VLDLR: variants seen among roughly 807,000 people sequenced by gnomAD.
VLDLR encodes very low-density lipoprotein receptor.
In VLDLR, 81 loss-of-function variants were observed where a neutral mutation model predicts 112.7. The ratio of observed to expected loss-of-function variants is 0.72; its 90% CI spans 0.60 to 0.86. VLDLR has a LOEUF of 0.86. Among genes scored for constraint, VLDLR ranks in the 40% least tolerant of loss-of-function variants. The pLI, the probability that VLDLR is intolerant of heterozygous loss-of-function variation, is 0.00. For synonymous variants in VLDLR, 436 were observed against 384.8 expected (o/e 1.13, Z -1.56); for missense variants, 1,237 against 1,099.4 (o/e 1.13, Z -1.77).
chr9:2,657,359 A>G lies in VLDLR; in HGVS notation c.*3491A>G, dbSNP rs1209866188. Reference sequence around the variant, plus strand: ...TTTTGCTAATTTAAGTTGAAGTACTATGAATACAACCTGCTAATCTTGATC... The same window carrying G: ...TTTTGCTAATTTAAGTTGAAGTACTGTGAATACAACCTGCTAATCTTGATC... On this transcript the variant is annotated 3_prime_UTR_variant, in exon 19 of 19. Transcript: ENST00000382100. 1 of 152,228 alleles carries G rather than the reference A, an allele frequency of 6.6e-6. No homozygotes were observed. Among genetic ancestry groups the G allele is most frequent in the African/African-American group, 2.4e-5 (1 of 41,464 alleles). 9.4% of individuals were successfully genotyped at this position (152,228 alleles called of 1,614,324 possible). A position where few individuals can be genotyped will look rare whatever the true frequency, so the allele number is the denominator to read the frequency against.
In VLDLR at chr9:2,648,274, A is replaced by G; in HGVS notation, c.1889A>G (p.Asn630Ser). ...CACATGTTATCCAGCGTGGACTTGA[A>G]TGGCCAAGATCGTAGGATAGTACTA... ...KLHMLSSVDL[N>S]GQDRRIVLKS... The change falls in exon 13 of 19, where the codon AAT becomes AGT. Residue 630 changes from asparagine (N) to serine (S), a missense_variant. Transcript: ENST00000382100. 6.2e-7 allele frequency: 1 copy of G among 1,614,228 alleles called. No individual in the cohort carries two copies.
At position 2,645,035 on chromosome 9, in the gene VLDLR, G is replaced by C; in HGVS notation, c.1265G>C (p.Ser422Thr). 6.2e-7 allele frequency: 1 copy of C among 1,614,220 alleles called. No individual in the cohort carries two copies. Among genetic ancestry groups the C allele is most frequent in the Non-Finnish European group, 8.5e-7 (1 of 1,180,042 alleles). The change falls in exon 9 of 19, where the codon AGT becomes ACT. Residue 422 changes from serine to threonine, a missense_variant. Physicochemically the swap from Ser to Thr is moderately conservative, Grantham distance 58. Transcript: ENST00000382100. ...NLKGGYKCEC[S>T]RGYQMDLATG... ...AAAGGCGGTTACAAGTGTGAATGTA[G>C]TCGTGGCTATCAAATGGATCTTGCT...
rs1259690354 is a variant in VLDLR at position 2,645,669 on chromosome 9, A to C, written c.1408A>C (p.Asn470His). 1 of 1,614,220 alleles carries C rather than the reference A, an allele frequency of 6.2e-7. No homozygotes were observed. The highest frequency in any genetic ancestry group is 1.6e-4 in the Middle Eastern group (1 of 6,062). The change falls in exon 10 of 19, where the codon AAC (asparagine) becomes CAC (histidine). Residue 470 changes from asparagine (N) to histidine (H), a missense_variant. Physicochemically the swap from Asn to His is moderately conservative, Grantham distance 68. Coordinates refer to ENST00000382100, the MANE Select transcript of VLDLR (RefSeq NM_003383.5). The part of the protein sequence containing the change: ...EYIQLVEQLR[N>H]TVALDADIAA... The stretch of plus-strand genomic sequence containing the variant: ...TATCCAACTAGTTGAACAGCTAAGA[A>C]ACACTGTGGCTCTCGATGCTGACAT...
intron 4 of VLDLR, among the ~76,000 whole-genome samples, chr9:2,642,092 C>T (rs1436233938): frequency 6.6e-6 from 1 of 152,120 alleles, no homozygotes; most frequent in Non-Finnish European, 1.5e-5. Context: ...AAAGCTAACT[C>T]TGCTTCCTAT....
intron 11 of VLDLR, 138 bp downstream of exon 11, chr9:2,646,690 A>C (rs1818091477): frequency 1.1e-6 from 1 of 939,844 alleles, no homozygotes; most frequent in Non-Finnish European, 1.7e-6. Flanking sequence ...AATTTAAGAT[A>C]TCAGTTTTGC....
chr9:2,622,202 G>A lies in VLDLR; in HGVS notation c.13G>A (p.Ala5Thr). The A allele has an allele frequency of 6.7e-7, 1 of 1,498,464 alleles. No individual in the cohort carries two copies. Among genetic ancestry groups the A allele is most frequent in the Non-Finnish European group, 8.8e-7 (1 of 1,130,600 alleles). The allele number at this position is 1,498,464 out of a possible 1,614,324, so 92.8% of individuals were successfully genotyped here. Reference protein sequence around the residue: MGTSALWALWLLLAL... With the variant: MGTSTLWALWLLLAL... Reference sequence around the variant, plus strand: ...CCAGGCGGGCACCATGGGCACGTCCGCGCTCTGGGCGCTCTGGCTGCTGCT... The same window carrying A: ...CCAGGCGGGCACCATGGGCACGTCCACGCTCTGGGCGCTCTGGCTGCTGCT... Residue 5 changes from alanine (A) to threonine (T), a missense_variant, in exon 1 of 19, where the codon GCG becomes ACG. Coordinates refer to ENST00000382100, the MANE Select transcript of VLDLR (RefSeq NM_003383.5).
Position 2,645,740 on chromosome 9 carries a change from C to G in VLDLR, c.1479C>G (p.Ile493Met). The G allele has an allele frequency of 1.2e-6, 2 of 1,614,174 alleles. No homozygotes were observed. The highest frequency in any genetic ancestry group is 1.7e-6 in the Non-Finnish European group (2 of 1,180,028). The change falls in exon 10 of 19, where the codon ATC becomes ATG. Residue 493 changes from isoleucine (I) to methionine (M), a missense_variant. Physicochemically the swap from Ile to Met is conservative, Grantham distance 10. Transcript: ENST00000382100. ...LFWADLSQKA[I>M]FSASIDDKVG... ...GGGCCGATCTAAGCCAAAAGGCTAT[C>G]TTCAGGTAACTTTCAGTTCCTTTTG...
chr9:2,648,580 C>T, intron 13 of VLDLR, 89 bp from the exon 14 acceptor site: 1 of 1,595,022 alleles, frequency 6.3e-7, no homozygotes, highest in Non-Finnish European at 8.6e-7. Context: ...TAAACTTAGT[C>T]CATTAAATGA....
At chr9:2,644,074 C>A in intron 7 of VLDLR, 115 bp downstream of exon 7, 5 of 1,395,094 alleles carry the variant, frequency 3.6e-6, no homozygotes, top group East Asian at 2.7e-5. Context: ...TACTGAAGTT[C>A]AATTGTAGAC....
intron 15 of VLDLR, 50 bp downstream of exon 15, chr9:2,650,566 T>C (rs1156629789): frequency 1.9e-6 from 3 of 1,607,596 alleles, no homozygotes; most frequent in South Asian, 1.1e-5. Flanking sequence ...ACAAGCAATA[T>C]AATAAGACAC....
intron 9 of VLDLR, 70 bp downstream of exon 9, chr9:2,645,152 GACT>G: frequency 6.2e-7 from 1 of 1,606,454 alleles, no homozygotes; most frequent in East Asian, 2.2e-5. Flanking sequence ...TACAGCCAGT[GACT>G]ACAATAGTCA....
intron 1 of VLDLR, among the ~76,000 whole-genome samples, chr9:2,626,099 T>C (rs1420647267): frequency 6.6e-6 from 1 of 152,192 alleles, no homozygotes; most frequent in Non-Finnish European, 1.5e-5. Context: ...AGATGGCAGG[T>C]GATAACACAG....
chr9:2,646,011 A>T (rs992397538), intron 10 of VLDLR, among the ~76,000 whole-genome samples: 2 of 152,112 alleles, frequency 1.3e-5, no homozygotes, highest in Non-Finnish European at 2.9e-5. Flanking sequence ...AGAACTGTTC[A>T]TTGTTGCTAC....
intron 1 of VLDLR, among the ~76,000 whole-genome samples, chr9:2,634,292 A>C (rs1041238737): frequency 1.3e-5 from 2 of 152,214 alleles, no homozygotes; most frequent in Non-Finnish European, 2.9e-5. Flanking sequence ...TGTCTCTGTA[A>C]TATCAGTTCT....
intron 10 of VLDLR, 145 bp from the exon 11 acceptor site, chr9:2,646,189 G>A (rs1818061729): frequency 2.6e-6 from 2 of 763,256 alleles, no homozygotes; most frequent in African/African-American, 1.7e-5. Context: ...TAAGCAGCAT[G>A]GTTAAATAAT....
intron 1 of VLDLR, among the ~76,000 whole-genome samples, chr9:2,633,393 T>G (rs1024047823): frequency 1.3e-5 from 2 of 152,086 alleles, no homozygotes; most frequent in African/African-American, 4.8e-5. Flanking sequence ...CCATACTTAA[T>G]CCCAGGCCAC....
chr9:2,633,110 C>T (rs767203485), intron 1 of VLDLR, among the ~76,000 whole-genome samples: 108 of 147,806 alleles, frequency 7.3e-4, no homozygotes, highest in African/African-American at 2.4e-3. Flanking sequence ...GGGAGTAAAA[C>T]ACAGCTTTAT....
chr9:2,628,869 G>A (rs1817215542), intron 1 of VLDLR, among the ~76,000 whole-genome samples: 1 of 152,192 alleles, frequency 6.6e-6, no homozygotes, highest in South Asian at 2.1e-4. Context: ...TTACTATCAT[G>A]TGTATTGTAA....
At chr9:2,633,966 T>A (rs1817484484) in intron 1 of VLDLR, among the ~76,000 whole-genome samples, 1 of 152,156 alleles carries the variant, frequency 6.6e-6, no homozygotes, top group African/African-American at 2.4e-5. Context: ...TCTAAATCCC[T>A]AGTATATTAC....
Sources: gnomAD v4.1 joint callset for allele counts (sites outside exome capture counted in the v4.1 genomes callset) on GRCh38, gnomAD v4.1.1 for gene constraint, MANE v1.5 for transcripts, NCBI Gene and HGNC (gene_info 2026-07-23, HGNC 2026-07-21) for gene names.